Variants in LMLN observed in about 807,000 individuals in gnomAD.
LMLN encodes the protein leishmanolysin-like peptidase.
LMLN carries 70 observed loss-of-function variants against 92.3 expected under a neutral mutation model. The ratio of observed to expected loss-of-function variants is 0.76; its 90% CI spans 0.63 to 0.92. LMLN has a LOEUF of 0.92. Ranked by LOEUF, LMLN falls within the 40% of genes least tolerant of loss-of-function variation. LMLN has a pLI of 0.00. For missense variants in LMLN, 691 were observed against 814.6 expected (o/e 0.85, Z 1.85); for synonymous variants, 308 against 296.2 (o/e 1.04, Z -0.41).
chr3:198,006,914 T>C (rs1722310502), intron 11 of LMLN, among the ~76,000 whole-genome samples: 2 of 152,234 alleles, frequency 1.3e-5, no homozygotes, highest in Non-Finnish European at 2.9e-5. Context: ...GGTTTTACCA[T>C]GTTGGCCAGG....
chr3:197,960,766 C>G (rs1185721701), intron 1 of LMLN, among the ~76,000 whole-genome samples: 2 of 152,162 alleles, frequency 1.3e-5, no homozygotes, highest in Non-Finnish European at 2.9e-5. Context: ...CACTTAGTGA[C>G]TCAGTAGGTC....
intron 10 of LMLN, among the ~76,000 whole-genome samples, chr3:197,996,724 G>C (rs116580425): frequency 0.04 from 6,146 of 152,232 alleles, 175 homozygotes; most frequent in East Asian, 0.098. Context: ...AAAGACATCA[G>C]ATTTTCAATA....
At chr3:197,993,816 G>A (rs1721945648) in intron 9 of LMLN, among the ~76,000 whole-genome samples, 1 of 152,152 alleles carries the variant, frequency 6.6e-6, no homozygotes, top group African/African-American at 2.4e-5. Flanking sequence ...GAACAAAGCT[G>A]TTCAGGCAGT....
intron 12 of LMLN, among the ~76,000 whole-genome samples, chr3:198,021,055 C>T (rs1722768108): frequency 6.6e-6 from 1 of 151,890 alleles, no homozygotes; most frequent in Non-Finnish European, 1.5e-5. Context: ...GTCAAAACAA[C>T]GTATAAACTG....
intron 5 of LMLN, 33 bp from the exon 6 acceptor site, chr3:197,980,293 G>T: frequency 6.3e-7 from 1 of 1,592,750 alleles, no homozygotes. Context: ...CTTTGTCTCT[G>T]TTCTGGCTTT....
intron 11 of LMLN, among the ~76,000 whole-genome samples, chr3:198,015,720 T>C (rs1404162041): frequency 1.7e-4 from 18 of 107,116 alleles, no homozygotes; most frequent in African/African-American, 5.5e-4. Flanking sequence ...GACTTCTCTG[T>C]ACCCTTCAGA....
At chr3:198,035,006 G>A (rs979097007) in intron 14 of LMLN, among the ~76,000 whole-genome samples, 1 of 152,070 alleles carries the variant, frequency 6.6e-6, no homozygotes, top group Non-Finnish European at 1.5e-5. Flanking sequence ...ACCAGCCTAG[G>A]CAACATGACA....
intron 11 of LMLN, 54 bp downstream of exon 12, chr3:198,003,179 T>C (rs1207214318): frequency 1.9e-6 from 2 of 1,071,516 alleles, no homozygotes; most frequent in East Asian, 2.6e-5. Context: ...TTTCTGACTT[T>C]ATTCTTTATC....
intron 8 of LMLN, among the ~76,000 whole-genome samples, chr3:197,989,008 T>G (rs1304888861): frequency 6.6e-6 from 1 of 152,218 alleles, no homozygotes; most frequent in Non-Finnish European, 1.5e-5. Context: ...TTTATCCTTT[T>G]ACTTTCCACC....
At chr3:198,036,826 C>T (rs1467414020) in intron 15 of LMLN, among the ~76,000 whole-genome samples, 3 of 152,126 alleles carry the variant, frequency 2.0e-5, no homozygotes, top group African/African-American at 7.2e-5. Context: ...GGCAGTTTGA[C>T]ATTTCAGATT....
intron 1 of LMLN, among the ~76,000 whole-genome samples, chr3:197,967,951 T>A (rs553709818): frequency 6.6e-6 from 1 of 152,338 alleles, no homozygotes; most frequent in South Asian, 2.1e-4. Flanking sequence ...TCTGCCCAAC[T>A]CCTTAGGCAG....
chr3:198,043,705 T>TA (rs994705777), exon 16 of LMLN: 3 of 152,570 alleles, frequency 2.0e-5, no homozygotes, highest in Non-Finnish European at 2.9e-5. Context: ...ACAACTTTAA[T>TA]AAAAATGGAA....
intron 14 of LMLN, among the ~76,000 whole-genome samples, chr3:198,035,361 GT>G (rs10679322): frequency 0.06 from 7,020 of 117,172 alleles, 122 homozygotes; most frequent in African/African-American, 0.096. Context: ...CCCTCTTTTG[GT>G]TTTTTTTTTT....
In LMLN at chr3:198,030,240, C is replaced by T. The variant is rs181263415; in HGVS notation, c.1656+5452C>T. Among the ~76,000 whole-genome samples the T allele has an allele frequency of 2.1e-4, 32 of 152,220 alleles. No individual in the cohort carries two copies. The East Asian group carries it at 4.2e-3, about 20-fold the overall frequency. On this transcript the variant is annotated intron_variant, in intron 14 of 15. Coordinates refer to ENST00000330198, the Ensembl canonical transcript of LMLN. ...TTGGAAAATAAGAATTTAGTTGGTTCGCCTCGTCCTCTTGCTGTGTTCACT... is the reference window on the plus strand; with the variant it reads ...TTGGAAAATAAGAATTTAGTTGGTTTGCCTCGTCCTCTTGCTGTGTTCACT...
chr3:197,965,312 C>T (rs1224239396), intron 1 of LMLN, among the ~76,000 whole-genome samples: 1 of 152,152 alleles, frequency 6.6e-6, no homozygotes, highest in Admixed American at 6.5e-5. Flanking sequence ...AGCCACTGCA[C>T]CTGGCTGAGA....
At chr3:197,990,464 A>T in intron 8 of LMLN, 95 bp from the exon 9 acceptor site, 1 of 557,606 alleles carries the variant, frequency 1.8e-6, no homozygotes. Flanking sequence ...TTTCATATTG[A>T]TATTTATAAA....
At chr3:197,989,617 G>A (rs114751632) in intron 8 of LMLN, among the ~76,000 whole-genome samples, 2,338 of 152,278 alleles carry the variant, frequency 0.015, 21 homozygotes, top group Non-Finnish European at 0.017. Flanking sequence ...TCTTAGCCAA[G>A]TGCTAGCTAT....
chr3:197,970,312 T>C (rs1040267111), intron 1 of LMLN, among the ~76,000 whole-genome samples: 6 of 152,150 alleles, frequency 3.9e-5, no homozygotes, highest in African/African-American at 1.4e-4. Flanking sequence ...ACTCCAGGTT[T>C]GGTGATTGCT....
chr3:197,993,612 C>G (rs548199643), intron 9 of LMLN, among the ~76,000 whole-genome samples: 1 of 152,050 alleles, frequency 6.6e-6, no homozygotes, highest in African/African-American at 2.4e-5. Flanking sequence ...AAAGGTATCC[C>G]GTGTTCATGG....
Sources: gnomAD v4.1 joint callset for allele counts (sites outside exome capture counted in the v4.1 genomes callset) on GRCh38, gnomAD v4.1.1 for gene constraint, MANE v1.5 for transcripts, NCBI Gene and HGNC (gene_info 2026-07-23, HGNC 2026-07-21) for gene names.